The following NRG1 variants were observed in gnomAD, a reference collection of about 807,000 sequenced individuals.
NRG1 encodes pro-neuregulin-1, membrane-bound isoform.
Under a neutral mutation model 63.8 loss-of-function variants are expected in NRG1, and 18 were observed. That is an observed-to-expected ratio of 0.28 (90% CI 0.19 to 0.42). The LOEUF (loss-of-function observed/expected upper bound fraction) is 0.42, where lower values mean the gene tolerates loss of function less well. Ranked by LOEUF, NRG1 falls within the 10% of genes least tolerant of loss-of-function variation. The pLI is 1.00. For missense variants in NRG1, 762 were observed against 814.7 expected (o/e 0.94, Z 0.79); for synonymous variants, 302 against 301.3 (o/e 1.00, Z -0.02).
At chr8:31,765,496 G>A (rs944980851) in intron 1 of NRG1, among the ~76,000 whole-genome samples, 1 of 152,188 alleles carries the variant, frequency 6.6e-6, no homozygotes, top group Non-Finnish European at 1.5e-5. Flanking sequence ...TCAAACTGAA[G>A]TTCTCCTCTA....
At chr8:31,859,018 A>ATTTG in intron 1 of NRG1, among the ~76,000 whole-genome samples, 2 of 152,188 alleles carry the variant, frequency 1.3e-5, no homozygotes, top group Non-Finnish European at 2.9e-5. Context: ...ATGCTACAGA[A>ATTTG]ATAAACAAAC....
At chr8:32,548,804 C>T (rs866810932) in exon 1 of NRG1, 2 of 1,578,244 alleles carry the variant, frequency 1.3e-6, no homozygotes, top group Admixed American at 1.9e-5. Context: ...AGCCGGAGTC[C>T]GCGGCGGGCA....
intron 1 of NRG1, among the ~76,000 whole-genome samples, chr8:31,697,898 T>G (rs1350222699): frequency 1.4e-5 from 2 of 148,114 alleles, no homozygotes; most frequent in East Asian, 3.9e-4. Flanking sequence ...CTTTCTTTCT[T>G]TTTTTTTTTT....
chr8:31,957,737 G>C (rs1336846793), intron 1 of NRG1, among the ~76,000 whole-genome samples: 1 of 152,164 alleles, frequency 6.6e-6, no homozygotes, highest in Non-Finnish European at 1.5e-5. Flanking sequence ...CATTTGTCTA[G>C]TGGCTCCTGT....
At chr8:31,928,352 TAAAAAAAA>T (rs77001238) in intron 1 of NRG1, among the ~76,000 whole-genome samples, 10 of 80,104 alleles carry the variant, frequency 1.2e-4, no homozygotes, top group African/African-American at 4.5e-4. Flanking sequence ...ATGGATGTGG[TAAAAAAAA>T]AAAAAAAAAA....
chr8:31,826,729 G>A lies in NRG1; in HGVS notation c.37+187298G>A, dbSNP rs1379864411. On this transcript the variant is annotated intron_variant, in intron 1 of 10. Coordinates refer to the NRG1 transcript ENST00000519301. ...GCCAGTGCTTAGGTGTGGAGTAGAAGAATATAAGGGGCTTGCATCCCTGAT... is the reference window on the plus strand; with the variant it reads ...GCCAGTGCTTAGGTGTGGAGTAGAAAAATATAAGGGGCTTGCATCCCTGAT... Among the ~76,000 whole-genome samples the A allele has an allele frequency of 3.9e-5, 6 of 152,180 alleles. No homozygotes were observed. The South Asian group carries it at 1.2e-3, about 32-fold the overall frequency.
intron 1 of NRG1, among the ~76,000 whole-genome samples, chr8:32,169,877 A>G (rs1839825219): frequency 6.6e-6 from 1 of 152,242 alleles, no homozygotes; most frequent in Admixed American, 6.5e-5. Flanking sequence ...ATTTGGAAAT[A>G]GAGTCTTTGG....
intron 1 of NRG1, among the ~76,000 whole-genome samples, chr8:32,407,740 C>G (rs1814292623): frequency 6.6e-6 from 1 of 152,176 alleles, no homozygotes; most frequent in Non-Finnish European, 1.5e-5. Flanking sequence ...ATTCCTACCT[C>G]CAGCCTTGAC....
chr8:32,457,105 C>T (rs574685893), intron 1 of NRG1, among the ~76,000 whole-genome samples: 1 of 152,196 alleles, frequency 6.6e-6, no homozygotes, highest in Admixed American at 6.5e-5. Flanking sequence ...GCACTCCAGC[C>T]TAAGTGACGG....
At chr8:32,228,124 A>G (rs1846527541) in intron 1 of NRG1, among the ~76,000 whole-genome samples, 1 of 152,136 alleles carries the variant, frequency 6.6e-6, no homozygotes, top group Non-Finnish European at 1.5e-5. Flanking sequence ...TTTCTCCATT[A>G]TGATTGGCAG....
chr8:32,000,526 C>A (rs1812756786), intron 1 of NRG1, among the ~76,000 whole-genome samples: 1 of 151,952 alleles, frequency 6.6e-6, no homozygotes, highest in African/African-American at 2.4e-5. Flanking sequence ...CTCAGCCCCC[C>A]AAAGTACTGG....
intron 1 of NRG1, among the ~76,000 whole-genome samples, chr8:32,121,653 T>A (rs1330160485): frequency 6.6e-6 from 1 of 152,012 alleles, no homozygotes; most frequent in Non-Finnish European, 1.5e-5. Context: ...TTTGTTTGTT[T>A]TACATTTTTG....
At position 31,690,022 on chromosome 8, in the gene NRG1, T is replaced by A. The variant is rs186371277; in HGVS notation, c.37+50591T>A. Among the ~76,000 whole-genome samples the A allele has an allele frequency of 1.5e-3, 223 of 152,346 alleles. 1 individual carries two copies. Among genetic ancestry groups the A allele is most frequent in the African/African-American group, 4.3e-3 (180 of 41,588 alleles). ...CCCACGTGTCGTGGGAGGGACCCTGTGGGAGGTAATTGAATCATGGGGGTT... is the reference window on the plus strand; with the variant it reads ...CCCACGTGTCGTGGGAGGGACCCTGAGGGAGGTAATTGAATCATGGGGGTT... On this transcript the variant is annotated intron_variant, in intron 1 of 10. Coordinates refer to the NRG1 transcript ENST00000519301.
chr8:32,542,004 T>C (rs997337872), intron 1 of NRG1, among the ~76,000 whole-genome samples: 1 of 152,150 alleles, frequency 6.6e-6, no homozygotes, highest in Non-Finnish European at 1.5e-5. Flanking sequence ...CAAGAAGTTT[T>C]TAATTCCCCT....
At chr8:32,165,645 A>C (rs534331174) in intron 1 of NRG1, among the ~76,000 whole-genome samples, 1 of 152,276 alleles carries the variant, frequency 6.6e-6, no homozygotes, top group Non-Finnish European at 1.5e-5. Flanking sequence ...ACAAAGGTTT[A>C]ATGTGTAATT....
intron 1 of NRG1, among the ~76,000 whole-genome samples, chr8:31,764,897 A>G (rs1429966970): frequency 1.9e-5 from 1 of 52,234 alleles, no homozygotes. Flanking sequence ...CCCTCCCCCC[A>G]CCCCACAAGG....
intron 1 of NRG1, among the ~76,000 whole-genome samples, chr8:31,780,225 C>CT (rs1819548718): frequency 6.6e-6 from 1 of 152,172 alleles, no homozygotes; most frequent in Non-Finnish European, 1.5e-5. Context: ...AATTTATTGA[C>CT]TAAACTCGAG....
chr8:32,620,372 T>G (rs1248411209), intron 5 of NRG1, among the ~76,000 whole-genome samples: 1 of 152,014 alleles, frequency 6.6e-6, no homozygotes, highest in Non-Finnish European at 1.5e-5. Context: ...CAGCAAACAT[T>G]TTATGTATTA....
chr8:32,554,451 C>G (rs1834725275), intron 1 of NRG1, among the ~76,000 whole-genome samples: 1 of 152,104 alleles, frequency 6.6e-6, no homozygotes, highest in Non-Finnish European at 1.5e-5. Context: ...AAACATAAAG[C>G]TGGCTACTTT....
Sources: allele counts gnomAD v4.1 joint callset (sites outside exome capture counted in the v4.1 genomes callset), GRCh38; gene constraint gnomAD v4.1.1; transcripts MANE v1.5; gene names NCBI Gene and HGNC (gene_info 2026-07-23, HGNC 2026-07-21).